Variants in NHLRC3 observed in about 807,000 individuals in gnomAD.
The protein encoded by NHLRC3 is NHL repeat-containing protein 3.
NHLRC3 carries 23 observed loss-of-function variants against 32.0 expected under a neutral mutation model. The ratio of observed to expected loss-of-function variants is 0.72; its 90% CI spans 0.52 to 1.02. The LOEUF (loss-of-function observed/expected upper bound fraction) is 1.02, where lower values mean the gene tolerates loss of function less well. Ranked by LOEUF, NHLRC3 falls within the 50% of genes least tolerant of loss-of-function variation. The pLI, the probability that NHLRC3 is intolerant of heterozygous loss-of-function variation, is 0.00. For missense variants in NHLRC3, 407 were observed against 406.8 expected, an observed-to-expected ratio of 1.00 and a Z score of -0.01; for synonymous variants, 159 against 147.9, an observed-to-expected ratio of 1.08 and a Z score of -0.55.
chr13:39,039,626 G>C lies in NHLRC3; in HGVS notation c.300G>C (p.Trp100Cys). 1.2e-6 allele frequency: 2 copies of C among 1,611,734 alleles called. No individual in the cohort carries two copies. The highest frequency in any genetic ancestry group is 1.7e-6 in the Non-Finnish European group (2 of 1,177,866). The change falls in exon 3 of 7, where the codon TGG becomes TGC. Residue 100 changes from tryptophan (W) to cysteine (C), a missense_variant. Coordinates refer to ENST00000379600, the MANE Select transcript of NHLRC3 (RefSeq NM_001012754.4). The stretch of plus-strand genomic sequence containing the variant: ...AGGATGGATATTTCCTACGAGCCTG[G>C]AATTATACAGTTGACACACCTCATG... ...FTEDGYFLRA[W>C]NYTVDTPHGI...
rs1871847875 is a variant in NHLRC3 at position 39,050,084 on chromosome 13, T to A, written c.*2158T>A. 1 of 152,254 alleles carries A rather than the reference T, an allele frequency of 6.6e-6. No individual in the cohort carries two copies. Among genetic ancestry groups the A allele is most frequent in the African/African-American group, 2.4e-5 (1 of 41,476 alleles). The allele number at this position is 152,254 out of a possible 1,614,324, so 9.4% of individuals were successfully genotyped here. ...AGGCAATATTATCTGGCTCCCCAAT[T>A]AAAGTTTGATTTTATTGTCACAAAA... On this transcript the variant is annotated 3_prime_UTR_variant, in exon 7 of 7. Transcript: ENST00000379600.
At chr13:39,044,670 C>T (rs1211669407) in intron 5 of NHLRC3, among the ~76,000 whole-genome samples, 1 of 152,168 alleles carries the variant, frequency 6.6e-6, no homozygotes, top group African/African-American at 2.4e-5. Context: ...CTCACTAACT[C>T]CACATTGTTT....
At position 39,042,242 on chromosome 13, in the gene NHLRC3, G is replaced by C; in HGVS notation, c.523G>C (p.Gly175Arg). ...AGCAGAATTATATGTAGAGGACACA[G>C]GAGATATTTACATTGTGGATGGAGA... is the stretch of plus-strand genomic sequence containing the variant. Reference protein sequence around the residue: ...NPAELYVEDTGDIYIVDGDGG... With the variant: ...NPAELYVEDTRDIYIVDGDGG... Residue 175 changes from glycine to arginine, a missense_variant, in exon 4 of 7, where the codon GGA becomes CGA. Gly to Arg is a moderately radical substitution (Grantham distance 125, BLOSUM62 -2). Coordinates refer to ENST00000379600, the MANE Select transcript of NHLRC3 (RefSeq NM_001012754.4). 1 of 1,611,284 alleles carries C rather than the reference G, an allele frequency of 6.2e-7. No homozygotes were observed.
At chr13:39,043,478 C>T (rs1040541062) in intron 4 of NHLRC3, among the ~76,000 whole-genome samples, 3 of 152,164 alleles carry the variant, frequency 2.0e-5, no homozygotes, top group Admixed American at 6.5e-5. Flanking sequence ...TCTCCATATT[C>T]ACATGGCGGC....
rs1332465486 is a variant in NHLRC3 at position 39,048,485 on chromosome 13, T to G, written c.*559T>G. On this transcript the variant is annotated 3_prime_UTR_variant, in exon 7 of 7. Coordinates refer to ENST00000379600, the MANE Select transcript of NHLRC3 (RefSeq NM_001012754.4). ...AGTCACAACACAGCAAAAGCGACCT[T>G]GGAGCATAGTGGGACTTTTGGAGTA... 6.6e-6 allele frequency: 1 copy of G among 152,190 alleles called. No homozygotes were observed. The highest frequency in any genetic ancestry group is 1.5e-5 in the Non-Finnish European group (1 of 68,068). 9.4% of individuals were successfully genotyped at this position (152,190 alleles called of 1,614,324 possible).
chr13:39,039,773 G>T (rs113019173), intron 3 of NHLRC3, 62 bp downstream of exon 3: 50,487 of 1,196,330 alleles, frequency 0.042, 1,497 homozygotes, highest in South Asian at 0.11. Context: ...ACATGTCCTT[G>T]TTTGTATTGT....
At position 39,042,338 on chromosome 13, in the gene NHLRC3, T is replaced by C. The variant is rs1474192024; in HGVS notation, c.586+33T>C. The stretch of plus-strand genomic sequence containing the variant: ...ACTTGTTTATGGTATTATAAAAATA[T>C]TATAAATTGATTTTAATTTGTTCGA... On this transcript the variant is annotated intron_variant, in intron 4 of 6. Coordinates refer to ENST00000379600, the MANE Select transcript of NHLRC3 (RefSeq NM_001012754.4). 35 of 1,257,904 alleles carry C rather than the reference T, an allele frequency of 2.8e-5. No individual in the cohort carries two copies. The Admixed American group carries it at 6.7e-4, about 24-fold the overall frequency. 77.9% of individuals were successfully genotyped at this position (1,257,904 alleles called of 1,614,324 possible). A position where few individuals can be genotyped will look rare whatever the true frequency, so the allele number is the denominator to read the frequency against.
At chr13:39,046,983 T>C (rs546800033) in intron 5 of NHLRC3, 57 bp from the exon 6 acceptor site, 1 of 1,071,464 alleles carries the variant, frequency 9.3e-7, no homozygotes, top group Non-Finnish European at 1.4e-6. Flanking sequence ...TAAACATTCT[T>C]TTCCCTTTTT....
chr13:39,046,325 T>TA (rs369797933), intron 5 of NHLRC3, among the ~76,000 whole-genome samples: 36 of 151,222 alleles, frequency 2.4e-4, no homozygotes, highest in Non-Finnish European at 3.1e-4. Flanking sequence ...TCTCAAAAAA[T>TA]AAAAAAAACC....
intron 4 of NHLRC3, 82 bp from the exon 5 acceptor site, chr13:39,044,008 C>A: frequency 4.0e-6 from 4 of 994,760 alleles, no homozygotes; most frequent in Non-Finnish European, 6.4e-6. Context: ...TTAAATAGTT[C>A]TTTGTAACCT....
At chr13:39,046,577 AATACC>A (rs1318246229) in intron 5 of NHLRC3, among the ~76,000 whole-genome samples, 1 of 152,212 alleles carries the variant, frequency 6.6e-6, no homozygotes, top group East Asian at 1.9e-4. Context: ...AATCTGAATG[AATACC>A]TCACATCCTG....
At chr13:39,039,959 AG>A (rs1871393927) in intron 3 of NHLRC3, 1 of 214,092 alleles carries the variant, frequency 4.7e-6, no homozygotes, top group Admixed American at 5.3e-5. Flanking sequence ...GCGGATCACG[AG>A]GTCAGGAGAT....
chr13:39,042,077 T>G, intron 3 of NHLRC3, 28 bp from the exon 4 acceptor site: 1 of 1,317,014 alleles, frequency 7.6e-7, no homozygotes, highest in Non-Finnish European at 1.1e-6. Context: ...TGGTTTTATT[T>G]GTGAGATGTA....
At position 39,039,682 on chromosome 13, in the gene NHLRC3, A is replaced by G; in HGVS notation, c.356A>G (p.Gln119Arg). 1 of 1,612,854 alleles carries G rather than the reference A, an allele frequency of 6.2e-7. No individual in the cohort carries two copies. Among genetic ancestry groups the G allele is most frequent in the Non-Finnish European group, 8.5e-7 (1 of 1,178,906 alleles). Reference protein sequence around the residue: ...GIFAASTLYEQSVWITDVGSG... With the variant: ...GIFAASTLYERSVWITDVGSG... The stretch of plus-strand genomic sequence containing the variant: ...TTTGCAGCCAGTACTCTATATGAAC[A>G]ATCCGTCTGGATCACGGATGTAGGA... Residue 119 changes from glutamine (Q) to arginine (R), a missense_variant, in exon 3 of 7, where the codon CAA (glutamine) becomes CGA (arginine). Coordinates refer to ENST00000379600, the MANE Select transcript of NHLRC3 (RefSeq NM_001012754.4).
chr13:39,044,201 G>T lies in NHLRC3; in HGVS notation c.678+20G>T, dbSNP rs751285739. On this transcript the variant is annotated intron_variant, in intron 5 of 6. Coordinates refer to ENST00000379600, the MANE Select transcript of NHLRC3 (RefSeq NM_001012754.4). The stretch of plus-strand genomic sequence containing the variant: ...GGTCGGGTACAAATACAGCGTCATT[G>T]TGTCTGGGACTTTGTGTCTGAATAT... 1.4e-5 allele frequency: 21 copies of T among 1,514,876 alleles called. No individual in the cohort carries two copies. The highest frequency in any genetic ancestry group is 1.8e-5 in the Non-Finnish European group (20 of 1,089,800). 93.8% of individuals were successfully genotyped at this position (1,514,876 alleles called of 1,614,324 possible). A position where few individuals can be genotyped will look rare whatever the true frequency, so the allele number is the denominator to read the frequency against.
At chr13:39,047,321 G>A (rs1871720910) in intron 6 of NHLRC3, among the ~76,000 whole-genome samples, 169 bp downstream of exon 6, 1 of 152,158 alleles carries the variant, frequency 6.6e-6, no homozygotes, top group African/African-American at 2.4e-5. Context: ...GCCAGGTAAA[G>A]TGAAAACAAG....
chr13:39,039,319 A>G, intron 2 of NHLRC3, 31 bp downstream of exon 2: 3 of 1,561,812 alleles, frequency 1.9e-6, no homozygotes, highest in Non-Finnish European at 8.8e-7. Context: ...AAAAATTATG[A>G]ACACAAAGGA....
Position 39,048,146 on chromosome 13 carries a change from C to A in NHLRC3, c.*220C>A. On this transcript the variant is annotated 3_prime_UTR_variant, in exon 7 of 7. Coordinates refer to ENST00000379600, the MANE Select transcript of NHLRC3 (RefSeq NM_001012754.4). ...GGATATTTTAATGAAAGGAAAGTAA[C>A]TAAAAAATGGGGTTGGGAAGAGGGA... 1 of 416,000 alleles carries A rather than the reference C, an allele frequency of 2.4e-6. No homozygotes were observed. Among genetic ancestry groups the A allele is most frequent in the African/African-American group, 2.0e-5 (1 of 50,184 alleles). 25.8% of individuals were successfully genotyped at this position (416,000 alleles called of 1,614,324 possible).
In NHLRC3 at chr13:39,038,612, C is replaced by A; in HGVS notation, c.-28C>A. The A allele has an allele frequency of 6.2e-7, 1 of 1,601,888 alleles. No homozygotes were observed. Among genetic ancestry groups the A allele is most frequent in the Non-Finnish European group, 8.6e-7 (1 of 1,168,812 alleles). ...GGTCCTCCCCCAGACACCTGCGGAC[C>A]CTCCCTCTCCTGGCTTCCCGTCTGG... On this transcript the variant is annotated 5_prime_UTR_variant, in exon 1 of 7. Transcript: ENST00000379600.
Sources: gnomAD v4.1 joint callset for allele counts (sites outside exome capture counted in the v4.1 genomes callset) on GRCh38, gnomAD v4.1.1 for gene constraint, MANE v1.5 for transcripts, NCBI Gene and HGNC (gene_info 2026-07-23, HGNC 2026-07-21) for gene names.